Variants in ADCY9 observed in about 807,000 individuals in gnomAD.
ADCY9 encodes the protein adenylate cyclase type 9.
In ADCY9, 50 loss-of-function variants were observed where a neutral mutation model predicts 101.5. The ratio of observed to expected loss-of-function variants is 0.49; its 90% CI spans 0.39 to 0.62. The LOEUF (loss-of-function observed/expected upper bound fraction) is 0.62, where lower values mean the gene tolerates loss of function less well. Among genes scored for constraint, ADCY9 ranks in the 20% least tolerant of loss-of-function variants. ADCY9 has a pLI of 0.00. For synonymous variants in ADCY9, 905 were observed against 769.3 expected (o/e 1.18, Z -2.92); for missense variants, 1,662 against 1,800.4 (o/e 0.92, Z 1.39).
intron 6 of ADCY9, 131 bp from the exon 7 acceptor site, chr16:3,983,571 C>G (rs1029387499): frequency 8.0e-6 from 6 of 747,542 alleles, no homozygotes; most frequent in Non-Finnish European, 8.9e-6. Context: ...GGAAGGCTCT[C>G]GGAGGGCTGT....
chr16:3,976,143 C>T (rs550689304), intron 9 of ADCY9, among the ~76,000 whole-genome samples: 1 of 152,202 alleles, frequency 6.6e-6, no homozygotes, highest in East Asian at 1.9e-4. Context: ...AGGTGCACAC[C>T]GCCATGCCTG....
intron 2 of ADCY9, among the ~76,000 whole-genome samples, chr16:4,021,232 C>T (rs1197850891): frequency 6.6e-6 from 1 of 152,174 alleles, no homozygotes; most frequent in Non-Finnish European, 1.5e-5. Context: ...GCTCTCCAAC[C>T]GCATTGGGCT....
At chr16:4,097,891 C>T (rs965122787) in intron 2 of ADCY9, among the ~76,000 whole-genome samples, 1 of 152,046 alleles carries the variant, frequency 6.6e-6, no homozygotes, top group African/African-American at 2.4e-5. Flanking sequence ...AATATTATCA[C>T]ACATATATTA....
chr16:4,114,431 T>C lies in ADCY9; in HGVS notation c.1012A>G (p.Met338Val). The change falls in exon 2 of 11, where the codon ATG becomes GTG. Residue 338 changes from methionine (M) to valine (V), a missense_variant. Physicochemically the swap from Met to Val is conservative, Grantham distance 21. Transcript: ENST00000294016. This position sits in a 1 kb window ranked among gnomAD's most constrained non-coding sequence, Gnocchi z 4.3. ...AAGTCATCGGCTATGATTCTTGGCA[T>C]CACGGAATGAATCATCCTCTCTTTG... ...ALKERMIHSVMPRIIADDLMK... is the reference protein window; with the variant it reads ...ALKERMIHSVVPRIIADDLMK... 1 of 1,614,196 alleles carries C rather than the reference T, an allele frequency of 6.2e-7. No homozygotes were observed. Among genetic ancestry groups the C allele is most frequent in the Non-Finnish European group, 8.5e-7 (1 of 1,180,048 alleles).
chr16:3,996,562 GC>G (rs1235202271), intron 3 of ADCY9, among the ~76,000 whole-genome samples: 2 of 152,184 alleles, frequency 1.3e-5, no homozygotes, highest in African/African-American at 4.8e-5. Flanking sequence ...CCATTTCAGG[GC>G]CCAACCGGTA....
At chr16:4,019,221 A>C (rs183481493) in intron 2 of ADCY9, among the ~76,000 whole-genome samples, 1 of 151,994 alleles carries the variant, frequency 6.6e-6, no homozygotes, top group African/African-American at 2.4e-5. Flanking sequence ...GCCTGAAGTG[A>C]TCCTCCGGCC....
At chr16:3,958,202 C>A (rs1168666281), downstream of ADCY9, among the ~76,000 whole-genome samples, 2 of 152,074 alleles carry the variant, frequency 1.3e-5, no homozygotes, top group African/African-American at 2.4e-5. Flanking sequence ...GGCTCTGGGA[C>A]CCTCCCGCCA....
At chr16:4,019,408 C>G (rs959710549) in intron 2 of ADCY9, among the ~76,000 whole-genome samples, 5 of 152,194 alleles carry the variant, frequency 3.3e-5, no homozygotes, top group Non-Finnish European at 7.3e-5. Context: ...ATGCAACTGT[C>G]ATTTATGCCT....
In ADCY9 at chr16:4,115,307, A is replaced by G. The variant is rs773462672; in HGVS notation, c.136T>C (p.Cys46Arg). The change falls in exon 2 of 11, where the codon TGC becomes CGC. Residue 46 changes from cysteine (C) to arginine (R), a missense_variant. By Grantham distance (180) the Cys-to-Arg change is radical. Coordinates refer to ENST00000294016, the MANE Select transcript of ADCY9 (RefSeq NM_001116.4). This position sits in a 1 kb window ranked among gnomAD's most constrained non-coding sequence, Gnocchi z 6.2. ...CAGCTAGAGGAGATGCTGTATTTGC[A>G]GTGCTTGGGGTGGCTGTTGGAGGAC... ...QLSSNSHPKH[C>R]KYSISSSCSS... is the part of the protein sequence containing the mutation. The G allele has an allele frequency of 6.2e-7, 1 of 1,613,766 alleles. No homozygotes were observed. The highest frequency in any genetic ancestry group is 1.7e-4 in the Middle Eastern group (1 of 5,986).
chr16:4,044,361 A>G (rs1297797610), intron 2 of ADCY9, among the ~76,000 whole-genome samples: 1 of 152,060 alleles, frequency 6.6e-6, no homozygotes, highest in African/African-American at 2.4e-5. Context: ...AAAACAAAAA[A>G]ACAAAAAAAC....
At chr16:4,045,808 T>C (rs113481825) in intron 2 of ADCY9, among the ~76,000 whole-genome samples, 7,915 of 150,520 alleles carry the variant, frequency 0.053, 755 homozygotes, top group African/African-American at 0.18. Context: ...AAGTGATCCT[T>C]TCACCTCAGC....
chr16:4,066,576 G>C (rs1393104221), intron 2 of ADCY9, among the ~76,000 whole-genome samples: 1 of 152,048 alleles, frequency 6.6e-6, no homozygotes, highest in African/African-American at 2.4e-5. Flanking sequence ...TTGTAGAAAT[G>C]AGGTCTCGCT....
At chr16:4,040,577 C>A (rs1278637706) in intron 2 of ADCY9, among the ~76,000 whole-genome samples, 1 of 152,106 alleles carries the variant, frequency 6.6e-6, no homozygotes, top group Admixed American at 6.6e-5. Context: ...CCACTTCGGC[C>A]TCCCGAGTAG....
At chr16:4,010,109 G>A (rs1169151272) in intron 2 of ADCY9, among the ~76,000 whole-genome samples, 5 of 152,230 alleles carry the variant, frequency 3.3e-5, no homozygotes, top group Non-Finnish European at 5.9e-5. Flanking sequence ...GGCTGGCCCT[G>A]CAAGGTGCTG....
chr16:4,037,287 T>C (rs932207899), intron 2 of ADCY9, among the ~76,000 whole-genome samples: 2 of 152,084 alleles, frequency 1.3e-5, no homozygotes, highest in African/African-American at 4.8e-5. Context: ...CACTGCACTC[T>C]AACCTGGGCA....
In ADCY9 at chr16:4,070,658, G is replaced by GA. The variant is rs1335138444; in HGVS notation, c.1693+43091dup. Among the ~76,000 whole-genome samples the GA allele has an allele frequency of 3.3e-5, 5 of 151,860 alleles. No individual in the cohort carries two copies. In the East Asian group the frequency reaches 7.8e-4, roughly 24 times the overall value. On this transcript the variant is annotated intron_variant, in intron 2 of 10. Coordinates refer to ENST00000294016, the MANE Select transcript of ADCY9 (RefSeq NM_001116.4). ...TAGAGAGATCCTTTCTCTTTAAAAA[G>GA]AAAAAAGCGAAGTGCAGTGGCTCAC...
chr16:4,076,946 A>G (rs2056871105), intron 2 of ADCY9, among the ~76,000 whole-genome samples: 1 of 152,070 alleles, frequency 6.6e-6, no homozygotes, highest in Admixed American at 6.6e-5. Flanking sequence ...GCATGGTGGC[A>G]GGCACCTGTA....
At chr16:3,990,674 C>T (rs1597149590) in intron 5 of ADCY9, among the ~76,000 whole-genome samples, 1 of 152,202 alleles carries the variant, frequency 6.6e-6, no homozygotes, top group South Asian at 2.1e-4. Context: ...TCTCTCCTCC[C>T]CTGACTCAGG....
chr16:4,032,364 G>GC (rs1003688754), intron 2 of ADCY9, among the ~76,000 whole-genome samples: 45 of 152,204 alleles, frequency 3.0e-4, no homozygotes, highest in Middle Eastern at 3.4e-3. Flanking sequence ...GCAAGATCTG[G>GC]CCCCCTGCGG....
Sources: gnomAD v4.1 joint callset for allele counts (sites outside exome capture counted in the v4.1 genomes callset) on GRCh38, gnomAD v4.1.1 for gene constraint, Gnocchi (gnomAD v3.1) non-coding constraint, MANE v1.5 for transcripts, NCBI Gene and HGNC (gene_info 2026-07-23, HGNC 2026-07-21) for gene names.